Variants in BICC1 observed in about 807,000 individuals in gnomAD.
The protein encoded by BICC1 is protein bicaudal C homolog 1.
In BICC1, 43 loss-of-function variants were observed where a neutral mutation model predicts 111.0. The ratio of observed to expected loss-of-function variants is 0.39; its 90% CI spans 0.30 to 0.50. BICC1 has a LOEUF of 0.50. Among genes scored for constraint, BICC1 ranks in the 20% least tolerant of loss-of-function variants. The pLI, the probability that BICC1 is intolerant of heterozygous loss-of-function variation, is 0.88. For missense variants in BICC1, 1,091 were observed against 1,203.2 expected (o/e 0.91, Z 1.38); for synonymous variants, 467 against 434.4 (o/e 1.07, Z -0.93).
intron 2 of BICC1, among the ~76,000 whole-genome samples, chr10:58,638,766 A>G (rs1396100014): frequency 6.6e-6 from 1 of 152,188 alleles, no homozygotes; most frequent in East Asian, 1.9e-4. Flanking sequence ...GTATCTCTTC[A>G]AGGCCTCTGG....
At chr10:58,766,367 T>G (rs1439008488) in intron 3 of BICC1, among the ~76,000 whole-genome samples, 1 of 152,146 alleles carries the variant, frequency 6.6e-6, no homozygotes, top group African/African-American at 2.4e-5. Flanking sequence ...CCCATGTGTG[T>G]ATTTTTGTTT....
intron 2 of BICC1, among the ~76,000 whole-genome samples, chr10:58,663,154 C>T (rs1022332795): frequency 6.9e-6 from 1 of 145,914 alleles, no homozygotes; most frequent in Non-Finnish European, 1.5e-5. Flanking sequence ...GCAACCTTTG[C>T]TTCCTGGGTT....
intron 3 of BICC1, among the ~76,000 whole-genome samples, chr10:58,710,238 A>G (rs1840530997): frequency 6.6e-6 from 1 of 152,182 alleles, no homozygotes; most frequent in East Asian, 1.9e-4. Flanking sequence ...AGCAGACCTC[A>G]AACCCAAATT....
intron 2 of BICC1, among the ~76,000 whole-genome samples, chr10:58,675,914 TG>T (rs1202704095): frequency 6.6e-6 from 1 of 152,214 alleles, no homozygotes; most frequent in African/African-American, 2.4e-5. Context: ...GGGTGATTTC[TG>T]CATTTCCAAC....
chr10:58,692,427 T>C lies in BICC1; in HGVS notation c.238-9647T>C, dbSNP rs146975336. 3.0e-3 allele frequency among the ~76,000 whole-genome samples: 461 copies of C among 152,312 alleles called. 3 individuals carry two copies. Among genetic ancestry groups the C allele is most frequent in the African/African-American group, 0.01 (426 of 41,564 alleles). ...AAAATGACTACGCAAGTTGAAACTG[T>C]GCAAAACACTTTCATCAATCAATGG... is the stretch of plus-strand genomic sequence containing the variant. On this transcript the variant is annotated intron_variant, in intron 2 of 20. Coordinates refer to ENST00000373886, the MANE Select transcript of BICC1 (RefSeq NM_001080512.3).
chr10:58,654,130 C>T (rs1340920785), intron 2 of BICC1, among the ~76,000 whole-genome samples: 11 of 128,174 alleles, frequency 8.6e-5, no homozygotes, highest in African/African-American at 2.7e-4. Context: ...TGAATAATGC[C>T]GCAATAAACA....
chr10:58,769,398 G>GTATATA (rs1464928653), intron 3 of BICC1, among the ~76,000 whole-genome samples: 4 of 101,644 alleles, frequency 3.9e-5, no homozygotes, highest in Admixed American at 9.9e-5. Flanking sequence ...GTGTGTGTGT[G>GTATATA]TGTGTGTATA....
chr10:58,806,919 A>T (rs1397777665), intron 16 of BICC1, 85 bp from the exon 17 acceptor site: 10 of 1,242,026 alleles, frequency 8.1e-6, no homozygotes, highest in Admixed American at 2.4e-5. Context: ...CTTCACATAT[A>T]TCAAAGAAAC....
chr10:58,797,951 A>G (rs1843410480), intron 10 of BICC1, among the ~76,000 whole-genome samples: 2 of 152,210 alleles, frequency 1.3e-5, no homozygotes, highest in African/African-American at 4.8e-5. Context: ...CAGCGGGGAC[A>G]AATAGATCTA....
intron 3 of BICC1, among the ~76,000 whole-genome samples, chr10:58,772,274 A>G (rs1427891665): frequency 6.6e-6 from 1 of 152,142 alleles, no homozygotes; most frequent in East Asian, 1.9e-4. Flanking sequence ...AATAAAATAC[A>G]CAAGATTTTT....
intron 1 of BICC1, among the ~76,000 whole-genome samples, chr10:58,620,186 C>T (rs531267064): frequency 2.6e-5 from 4 of 152,102 alleles, no homozygotes; most frequent in African/African-American, 4.8e-5. Flanking sequence ...AGTCACAAGA[C>T]TTATGAACAC....
intron 2 of BICC1, among the ~76,000 whole-genome samples, chr10:58,681,867 C>T (rs1360604822): frequency 6.7e-6 from 1 of 149,638 alleles, no homozygotes; most frequent in African/African-American, 2.5e-5. Flanking sequence ...CTCTCTCTTT[C>T]TTTTTTTTTT....
At chr10:58,705,004 C>T (rs766520549) in intron 3 of BICC1, among the ~76,000 whole-genome samples, 4 of 152,144 alleles carry the variant, frequency 2.6e-5, no homozygotes, top group East Asian at 1.9e-4. Flanking sequence ...AATCCTTTAT[C>T]GAGAGCAGCT....
At chr10:58,567,418 G>T (rs888829254) in intron 1 of BICC1, among the ~76,000 whole-genome samples, 1 of 151,808 alleles carries the variant, frequency 6.6e-6, no homozygotes, top group Non-Finnish European at 1.5e-5. Context: ...ATATATATAT[G>T]TGTGTGTCTT....
chr10:58,558,419 G>A (rs1005823715), intron 1 of BICC1, among the ~76,000 whole-genome samples: 1 of 152,038 alleles, frequency 6.6e-6, no homozygotes, highest in African/African-American at 2.4e-5. Context: ...TGCTTTTCGC[G>A]TCACAATCTG....
intron 1 of BICC1, among the ~76,000 whole-genome samples, chr10:58,619,451 G>A (rs1283107100): frequency 6.6e-6 from 1 of 151,012 alleles, no homozygotes; most frequent in Non-Finnish European, 1.5e-5. Context: ...TTCTTTGAGG[G>A]CAGAGAGAAT....
At chr10:58,696,481 C>T (rs575287922) in intron 2 of BICC1, among the ~76,000 whole-genome samples, 12 of 152,206 alleles carry the variant, frequency 7.9e-5, no homozygotes, top group African/African-American at 2.9e-4. Flanking sequence ...TGAAGTTACA[C>T]TTCAATTATT....
At chr10:58,540,411 A>G (rs1458485625) in intron 1 of BICC1, among the ~76,000 whole-genome samples, 1 of 152,014 alleles carries the variant, frequency 6.6e-6, no homozygotes, top group Non-Finnish European at 1.5e-5. Context: ...TCAAATAACA[A>G]AAATCAGAAA....
intron 1 of BICC1, among the ~76,000 whole-genome samples, chr10:58,594,744 A>G (rs1427299350): frequency 6.6e-6 from 1 of 152,218 alleles, no homozygotes; most frequent in Non-Finnish European, 1.5e-5. Flanking sequence ...ATGGAAAGGA[A>G]CAACTGGTAC....
Sources: gnomAD v4.1 joint callset for allele counts (sites outside exome capture counted in the v4.1 genomes callset) on GRCh38, gnomAD v4.1.1 for gene constraint, MANE v1.5 for transcripts, NCBI Gene and HGNC (gene_info 2026-07-23, HGNC 2026-07-21) for gene names.